Variants in GNAZ observed in about 807,000 individuals in gnomAD.
GNAZ encodes guanine nucleotide-binding protein G(z) subunit alpha.
GNAZ carries 3 observed loss-of-function variants against 25.4 expected under a neutral mutation model. The ratio of observed to expected loss-of-function variants is 0.12; its 90% CI spans 0.05 to 0.30. The LOEUF is 0.30. GNAZ is among the 10% of genes least tolerant of loss of function. The pLI, the probability that GNAZ is intolerant of heterozygous loss-of-function variation, is 1.00. For synonymous variants in GNAZ, 211 were observed against 205.7 expected, an observed-to-expected ratio of 1.03 and a Z score of -0.22; for missense variants, 241 against 501.8, an observed-to-expected ratio of 0.48 and a Z score of 4.97.
intron 1 of GNAZ, among the ~76,000 whole-genome samples, chr22:23,074,781 G>C (rs1246632398): frequency 6.6e-6 from 1 of 152,202 alleles, no homozygotes; most frequent in East Asian, 1.9e-4. Context: ...GCGGGTCCCA[G>C]AGAGCAGGTC....
chr22:23,111,236 G>A (rs2069647891), intron 2 of GNAZ, among the ~76,000 whole-genome samples: 1 of 152,222 alleles, frequency 6.6e-6, no homozygotes, highest in Admixed American at 6.5e-5. Flanking sequence ...TGCATCCTAA[G>A]CTCCTGAGGA....
At position 23,107,292 on chromosome 22, in the gene GNAZ, G is replaced by A. The variant is rs180737545; in HGVS notation, c.723+10874G>A. Among the ~76,000 whole-genome samples the A allele has an allele frequency of 1.9e-3, 289 of 152,282 alleles. 1 individual carries two copies. The highest frequency in any genetic ancestry group is 5.1e-3 in the African/African-American group (211 of 41,572). On this transcript the variant is annotated intron_variant, in intron 2 of 2. Transcript: ENST00000615612. ...CCATCCCAGAGGAGCCCCATCTGTC[G>A]CTGGCCTGGGACCTACAGGCCTGAG...
In GNAZ at chr22:23,119,614, C is replaced by T. The variant is rs2069952270; in HGVS notation, c.724-3473C>T. ...TCTATAAAGATTACAGGATGGGCAC[C>T]CACCATCTCCTAAGCTTCACCTCCT... On this transcript the variant is annotated intron_variant, in intron 2 of 2. Coordinates refer to ENST00000615612, the MANE Select transcript of GNAZ (RefSeq NM_002073.4). 2.0e-5 allele frequency among the ~76,000 whole-genome samples: 3 copies of T among 152,256 alleles called. No homozygotes were observed. In the South Asian group the frequency reaches 6.2e-4, roughly 31 times the overall value.
intron 1 of GNAZ, among the ~76,000 whole-genome samples, chr22:23,079,238 G>A (rs1204364839): frequency 6.6e-6 from 1 of 152,250 alleles, no homozygotes; most frequent in Non-Finnish European, 1.5e-5. Context: ...GTGGCTGTGT[G>A]CGAATATGGG....
intron 1 of GNAZ, among the ~76,000 whole-genome samples, chr22:23,079,279 G>A (rs2068604653): frequency 6.6e-6 from 1 of 152,256 alleles, no homozygotes. Context: ...AGGATGGGCA[G>A]GGAGGCCTCC....
Position 23,095,170 on chromosome 22 carries a change from A to G in GNAZ, c.-449-77A>G, listed in dbSNP as rs538862266. ...GGCCAGTCTCTGCTGCTTTGCTTTC[A>G]GAAGAGCTCCCTTTCACTGTCCAGC... On this transcript the variant is annotated intron_variant, in intron 1 of 2. Transcript: ENST00000615612. 367 of 162,728 alleles carry G rather than the reference A, an allele frequency of 2.3e-3. 1 individual carries two copies. Among genetic ancestry groups the G allele is most frequent in the Non-Finnish European group, 2.6e-3 (194 of 75,196 alleles). 10.1% of individuals were successfully genotyped at this position (162,728 alleles called of 1,614,324 possible). A position where few individuals can be genotyped will look rare whatever the true frequency, so the allele number is the denominator to read the frequency against.
chr22:23,107,688 G>T (rs984964670), intron 2 of GNAZ, among the ~76,000 whole-genome samples: 1 of 152,182 alleles, frequency 6.6e-6, no homozygotes, highest in African/African-American at 2.4e-5. Flanking sequence ...CGCAGCAGTG[G>T]AGTCGGGTCC....
rs746072554 is a variant in GNAZ at position 23,124,319 on chromosome 22, T to TA, written c.*889dup. ...TTTTTAAATGCAGATTTTCAAAACA[T>TA]ATTTTTTTTCAGGTGGTCTTTTTTG... On this transcript the variant is annotated 3_prime_UTR_variant, in exon 3 of 3. Transcript: ENST00000615612. 2.7e-6 allele frequency: 1 copy of TA among 372,100 alleles called. No individual in the cohort carries two copies. Among genetic ancestry groups the TA allele is most frequent in the African/African-American group, 2.2e-5 (1 of 45,726 alleles). The allele number at this position is 372,100 out of a possible 1,614,324, so 23.0% of individuals were successfully genotyped here. A position where few individuals can be genotyped will look rare whatever the true frequency, so the allele number is the denominator to read the frequency against.
At chr22:23,110,277 A>C (rs1354324157) in intron 2 of GNAZ, among the ~76,000 whole-genome samples, 1 of 152,024 alleles carries the variant, frequency 6.6e-6, no homozygotes, top group African/African-American at 2.4e-5. Context: ...TCGTGAGCCC[A>C]GGAGCCTCTC....
At chr22:23,114,188 G>A (rs1186777754) in intron 2 of GNAZ, among the ~76,000 whole-genome samples, 7 of 152,320 alleles carry the variant, frequency 4.6e-5, no homozygotes, top group Admixed American at 4.6e-4. Flanking sequence ...GGGCTGGCCT[G>A]TCCATGGTGA....
At chr22:23,094,305 C>G (rs1354714202) in intron 1 of GNAZ, among the ~76,000 whole-genome samples, 2 of 152,160 alleles carry the variant, frequency 1.3e-5, no homozygotes, top group Non-Finnish European at 2.9e-5. Flanking sequence ...TTGAGCTGCC[C>G]CTCGTGTGGG....
At chr22:23,120,980 G>T (rs534012251) in intron 2 of GNAZ, among the ~76,000 whole-genome samples, 1 of 152,340 alleles carries the variant, frequency 6.6e-6, no homozygotes, top group East Asian at 1.9e-4. Context: ...TGACAGCTCT[G>T]TTACCACAGT....
intron 1 of GNAZ, among the ~76,000 whole-genome samples, chr22:23,094,555 C>A (rs552619909): frequency 6.2e-4 from 95 of 152,338 alleles, no homozygotes; most frequent in Non-Finnish European, 1.1e-3. Context: ...GCCCCCAGCT[C>A]CTTGGTCTCA....
chr22:23,082,292 C>G (rs1253811226), intron 1 of GNAZ, among the ~76,000 whole-genome samples: 1 of 151,522 alleles, frequency 6.6e-6, no homozygotes, highest in Non-Finnish European at 1.5e-5. Flanking sequence ...TCTCGGCTCA[C>G]TGCAACCTCC....
chr22:23,074,796 G>C (rs2068470160), intron 1 of GNAZ, among the ~76,000 whole-genome samples: 1 of 152,192 alleles, frequency 6.6e-6, no homozygotes, highest in African/African-American at 2.4e-5. Flanking sequence ...CAGGTCCCCT[G>C]TGTCAAGCAG....
intron 1 of GNAZ, among the ~76,000 whole-genome samples, chr22:23,072,342 T>C (rs1187958128): frequency 2.0e-5 from 3 of 152,118 alleles, no homozygotes; most frequent in Non-Finnish European, 2.9e-5. Context: ...GGATAAAATA[T>C]GCGCCTTGAG....
chr22:23,117,267 C>T (rs1172520017), intron 2 of GNAZ, among the ~76,000 whole-genome samples: 3 of 152,128 alleles, frequency 2.0e-5, no homozygotes, highest in African/African-American at 4.8e-5. Flanking sequence ...CCAGAGGTGC[C>T]GACACGGTAT....
chr22:23,118,528 G>C (rs949785442), intron 2 of GNAZ, among the ~76,000 whole-genome samples: 6 of 152,150 alleles, frequency 3.9e-5, no homozygotes, highest in Non-Finnish European at 8.8e-5. Flanking sequence ...GGCAAGGAGG[G>C]CTTCTTGCCA....
chr22:23,096,180 G>A lies in GNAZ; in HGVS notation c.485G>A (p.Arg162His), dbSNP rs2069117466. Residue 162 changes from arginine to histidine, a missense_variant, in exon 2 of 3, where the codon CGC (arginine) becomes CAC (histidine). By Grantham distance (29) the Arg-to-His change is conservative. Coordinates refer to ENST00000615612, the MANE Select transcript of GNAZ (RefSeq NM_002073.4). The part of the protein sequence containing the change: ...NAAYYLNDLE[R>H]IAAADYIPTV... ...GCCTACTACCTGAACGACCTGGAGCGCATCGCCGCAGCTGACTATATCCCC... is the reference window on the plus strand; with the variant it reads ...GCCTACTACCTGAACGACCTGGAGCACATCGCCGCAGCTGACTATATCCCC... The A allele has an allele frequency of 1.2e-6, 2 of 1,613,088 alleles. No individual in the cohort carries two copies. The highest frequency in any genetic ancestry group is 1.3e-5 in the African/African-American group (1 of 75,054).
Sources: gnomAD v4.1 joint callset for allele counts (sites outside exome capture counted in the v4.1 genomes callset) on GRCh38, gnomAD v4.1.1 for gene constraint, MANE v1.5 for transcripts, NCBI Gene and HGNC (gene_info 2026-07-23, HGNC 2026-07-21) for gene names.